Variants in DEGS1 observed in about 807,000 individuals in gnomAD.
DEGS1 encodes the protein delta 4-desaturase, sphingolipid 1.
In DEGS1, 17 loss-of-function variants were observed where a neutral mutation model predicts 24.1. The ratio of observed to expected loss-of-function variants is 0.70; its 90% CI spans 0.48 to 1.06. The LOEUF (loss-of-function observed/expected upper bound fraction) is 1.06. Ranked by LOEUF, DEGS1 falls within the 50% of genes least tolerant of loss-of-function variation. DEGS1 has a pLI of 0.00. For missense variants in DEGS1, 366 were observed against 408.9 expected, an observed-to-expected ratio of 0.90 and a Z score of 0.91; for synonymous variants, 134 against 140.0, an observed-to-expected ratio of 0.96 and a Z score of 0.30.
intron 1 of DEGS1, among the ~76,000 whole-genome samples, chr1:224,186,977 T>A (rs1658411503): frequency 6.6e-6 from 1 of 152,082 alleles, no homozygotes; most frequent in South Asian, 2.1e-4. Flanking sequence ...CATTTAGAGT[T>A]CACATTAAAA....
At chr1:224,185,850 G>A (rs1016599111) in intron 1 of DEGS1, among the ~76,000 whole-genome samples, 10 of 152,182 alleles carry the variant, frequency 6.6e-5, no homozygotes, top group Non-Finnish European at 1.0e-4. Flanking sequence ...ATAATCTAGC[G>A]TCCTACCTGT....
rs768968956 is a variant in DEGS1, at chr1:224,189,611, T to C, written c.117T>C (p.Pro39=). ...KYPEIKSLMK[P]DPNLIWIIIM... is the part of the protein sequence containing the mutation. ...CAGAGATAAAGTCCTTGATGAAACCTGATCCCAATTTGATATGGATTATAA... is the reference window on the plus strand; with the variant it reads ...CAGAGATAAAGTCCTTGATGAAACCCGATCCCAATTTGATATGGATTATAA... Residue 39 remains proline, a synonymous_variant, in exon 2 of 3, where the codon CCT becomes CCC. Coordinates refer to ENST00000323699, the MANE Select transcript of DEGS1 (RefSeq NM_003676.4). 2 of 1,610,114 alleles carry C rather than the reference T, an allele frequency of 1.2e-6. No individual in the cohort carries two copies. The highest frequency in any genetic ancestry group is 4.5e-5 in the East Asian group (2 of 44,862).
intron 1 of DEGS1, among the ~76,000 whole-genome samples, chr1:224,187,956 T>A (rs61826412): frequency 5.6e-3 from 117 of 21,038 alleles, no homozygotes; most frequent in African/African-American, 0.013. Context: ...ATAATATAAA[T>A]TTTTTTTTTT....
At chr1:224,189,260 T>C (rs193106011) in intron 1 of DEGS1, among the ~76,000 whole-genome samples, 1 of 152,306 alleles carries the variant, frequency 6.6e-6, no homozygotes, top group African/African-American at 2.4e-5. Context: ...ATTTAATCGT[T>C]TTATATAAGG....
At position 224,183,406 on chromosome 1, in the gene DEGS1, C is replaced by T. The variant is rs1363596195; in HGVS notation, c.70C>T (p.Arg24Trp). Residue 24 changes from arginine to tryptophan, a missense_variant, in exon 1 of 3, where the codon CGG becomes TGG. Coordinates refer to ENST00000323699, the MANE Select transcript of DEGS1 (RefSeq NM_003676.4). ...YTDQPHADRR[R>W]EILAKYPEIK... ...CGACCAGCCGCACGCCGACCGGCGC[C>T]GGGAGATCCTGGGTGAGGGCCAGCG... is the stretch of plus-strand genomic sequence containing the variant. The T allele has an allele frequency of 4.9e-6, 7 of 1,426,434 alleles. No homozygotes were observed. In the East Asian group the frequency reaches 2.1e-4, roughly 44 times the overall value. The allele number at this position is 1,426,434 out of a possible 1,614,324, so 88.4% of individuals were successfully genotyped here.
intron 1 of DEGS1, among the ~76,000 whole-genome samples, chr1:224,184,496 GT>G (rs1658324541): frequency 2.2e-5 from 2 of 92,874 alleles, no homozygotes; most frequent in African/African-American, 4.3e-5. Flanking sequence ...GACTGCACGT[GT>G]TTGTTTTTTG....
In DEGS1 at chr1:224,183,241, C is replaced by T; in HGVS notation, c.-96C>T. The T allele has an allele frequency of 8.6e-7, 1 of 1,168,826 alleles. No homozygotes were observed. The highest frequency in any genetic ancestry group is 1.2e-6 in the Non-Finnish European group (1 of 858,388). The allele number at this position is 1,168,826 out of a possible 1,614,324, so 72.4% of individuals were successfully genotyped here. On this transcript the variant is annotated 5_prime_UTR_variant, in exon 1 of 3. Coordinates refer to ENST00000323699, the MANE Select transcript of DEGS1 (RefSeq NM_003676.4). ...CGCGCTCCGCCACAGCCGGCCGACA[C>T]CACACCAGCCGGGGAGCCGCCGCCG...
At position 224,189,752 on chromosome 1, in the gene DEGS1, G is replaced by A; in HGVS notation, c.258G>A (p.Leu86=). 2 of 1,614,152 alleles carry A rather than the reference G, an allele frequency of 1.2e-6. No homozygotes were observed. The highest frequency in any genetic ancestry group is 8.5e-7 in the Non-Finnish European group (1 of 1,180,020). The change falls in exon 2 of 3, where the codon CTG becomes CTA. Residue 86 remains leucine, a synonymous_variant. Transcript: ENST00000323699. The part of the protein sequence containing the change: ...FGSCINHSMT[L]AIHEIAHNAA... ...GTTGCATTAACCACTCAATGACTCT[G>A]GCTATTCATGAGATTGCCCACAATG...
chr1:224,189,830 T>A lies in DEGS1; in HGVS notation c.336T>A (p.Ala112=). ...AMWNRWFGMF[A]NLPIGIPYSI... ...GGAATCGCTGGTTTGGAATGTTTGC[T>A]AATCTTCCTATTGGGATTCCATATT... The change falls in exon 2 of 3, where the codon GCT becomes GCA. Residue 112 remains alanine, a synonymous_variant. Coordinates refer to ENST00000323699, the MANE Select transcript of DEGS1 (RefSeq NM_003676.4). 6.2e-7 allele frequency: 1 copy of A among 1,614,248 alleles called. No homozygotes were observed. Among genetic ancestry groups the A allele is most frequent in the Non-Finnish European group, 8.5e-7 (1 of 1,180,042 alleles).
chr1:224,191,314 C>T (rs1658529687), intron 2 of DEGS1, among the ~76,000 whole-genome samples: 1 of 151,258 alleles, frequency 6.6e-6, no homozygotes, highest in African/African-American at 2.4e-5. Context: ...CGTTTGAACT[C>T]GGGCAGTGGA....
At chr1:224,187,728 A>G (rs1572041843) in intron 1 of DEGS1, among the ~76,000 whole-genome samples, 1 of 152,096 alleles carries the variant, frequency 6.6e-6, no homozygotes, top group South Asian at 2.1e-4. Context: ...ATTTTTTAGT[A>G]TATTCACAGA....
chr1:224,189,465 A>G, intron 1 of DEGS1, 112 bp from the exon 2 acceptor site: 1 of 782,142 alleles, frequency 1.3e-6, no homozygotes, highest in Non-Finnish European at 2.0e-6. Flanking sequence ...TAAAGGGAAT[A>G]TGATTTACAG....
Position 224,183,275 on chromosome 1 carries a change from A to C in DEGS1, c.-62A>C. The C allele has an allele frequency of 7.2e-7, 1 of 1,397,348 alleles. No individual in the cohort carries two copies. The allele number at this position is 1,397,348 out of a possible 1,614,324, so 86.6% of individuals were successfully genotyped here. On this transcript the variant is annotated 5_prime_UTR_variant, in exon 1 of 3. Transcript: ENST00000323699. ...CCGGGGAGCCGCCGCCGCCGCCGCCACCTCTGAGCAGCCGGCTGGGAGCGA... is the reference window on the plus strand; with the variant it reads ...CCGGGGAGCCGCCGCCGCCGCCGCCCCCTCTGAGCAGCCGGCTGGGAGCGA...
Position 224,191,875 on chromosome 1 carries a change from G to C in DEGS1, c.826-457G>C, listed in dbSNP as rs376723011. On this transcript the variant is annotated intron_variant, in intron 2 of 2. Coordinates refer to ENST00000323699, the MANE Select transcript of DEGS1 (RefSeq NM_003676.4). ...GCTTCCCAAAGTCCTGGGATTACAG[G>C]TATGAGCCACCGCACCCAGCCAAGT... Among the ~76,000 whole-genome samples the C allele has an allele frequency of 3.3e-5, 5 of 152,128 alleles. No homozygotes were observed. The South Asian group carries it at 1.0e-3, about 32-fold the overall frequency.
rs553431454 is a variant in DEGS1, at chr1:224,192,274, T to C, written c.826-58T>C. The C allele has an allele frequency of 4.7e-6, 7 of 1,485,154 alleles. No individual in the cohort carries two copies. The African/African-American group carries it at 7.1e-5, about 15-fold the overall frequency. The allele number at this position is 1,485,154 out of a possible 1,614,324, so 92.0% of individuals were successfully genotyped here. A position where few individuals can be genotyped will look rare whatever the true frequency, so the allele number is the denominator to read the frequency against. ...GTTTGTGTCAACCATTCATCAGTCA[T>C]CTTTGAAAGAACCTAGTAACACTCA... On this transcript the variant is annotated intron_variant, in intron 2 of 2. Coordinates refer to ENST00000323699, the MANE Select transcript of DEGS1 (RefSeq NM_003676.4).
intron 1 of DEGS1, chr1:224,183,661 C>G (rs1346851207): frequency 1.9e-5 from 6 of 319,548 alleles, no homozygotes; most frequent in Non-Finnish European, 2.8e-5. Context: ...CGAAGAGGCG[C>G]AGGCGCGTCC....
chr1:224,190,916 C>A (rs1658520335), intron 2 of DEGS1, among the ~76,000 whole-genome samples: 1 of 151,856 alleles, frequency 6.6e-6, no homozygotes, highest in Non-Finnish European at 1.5e-5. Context: ...GAGGCAGGGT[C>A]TTGCTGTGTT....
chr1:224,188,801 T>C (rs900899900), intron 1 of DEGS1, among the ~76,000 whole-genome samples: 1 of 152,200 alleles, frequency 6.6e-6, no homozygotes, highest in Non-Finnish European at 1.5e-5. Context: ...CTTGACAGTA[T>C]CATGTGCAAC....
chr1:224,189,767 TG>T lies in DEGS1; in HGVS notation c.274del (p.Ala92ProfsTer51), dbSNP rs755902466. Reference sequence around the variant, plus strand: ...CAATGACTCTGGCTATTCATGAGATTGCCCACAATGCTGCCTTTGGCAACTG... The same window carrying T: ...CAATGACTCTGGCTATTCATGAGATTCCCACAATGCTGCCTTTGGCAACTG... The part of the protein sequence containing the change: ...HSMTLAIHEI[A>X]HNAAFGNCKA... On this transcript the variant is annotated frameshift_variant, in exon 2 of 3. Coordinates refer to ENST00000323699, the MANE Select transcript of DEGS1 (RefSeq NM_003676.4). LOFTEE classifies it high-confidence loss of function. 1.2e-6 allele frequency: 2 copies of T among 1,614,224 alleles called. No homozygotes were observed. The highest frequency in any genetic ancestry group is 3.3e-5 in the Admixed American group (2 of 60,006).
Sources: gnomAD v4.1 joint callset for allele counts (sites outside exome capture counted in the v4.1 genomes callset) on GRCh38, gnomAD v4.1.1 for gene constraint, MANE v1.5 for transcripts, NCBI Gene and HGNC (gene_info 2026-07-23, HGNC 2026-07-21) for gene names.